Variants in FAM20B observed in about 807,000 individuals in gnomAD.
The protein encoded by FAM20B is FAM20B glycosaminoglycan xylosylkinase.
Under a neutral mutation model 43.8 loss-of-function variants are expected in FAM20B, and 23 were observed. The ratio of observed to expected loss-of-function variants is 0.53; its 90% confidence interval spans 0.38 to 0.74. The LOEUF is 0.74. FAM20B is among the 30% of genes least tolerant of loss of function. The pLI, the probability that FAM20B is intolerant of heterozygous loss-of-function variation, is 0.00. For synonymous variants in FAM20B, 178 were observed against 192.4 expected, an observed-to-expected ratio of 0.93 and a Z score of 0.62; for missense variants, 440 against 510.5, an observed-to-expected ratio of 0.86 and a Z score of 1.33.
intron 2 of FAM20B, 120 bp downstream of exon 2, chr1:179,044,344 G>A: frequency 9.0e-7 from 1 of 1,112,496 alleles, no homozygotes; most frequent in Non-Finnish European, 1.3e-6. Context: ...AAGAGGGGTA[G>A]ACTAGATCTC....
At chr1:179,041,136 A>G in intron 1 of FAM20B, among the ~76,000 whole-genome samples, 1 of 127,218 alleles carries the variant, frequency 7.9e-6, no homozygotes, top group Admixed American at 7.9e-5. Flanking sequence ...CCTAGATGGG[A>G]TGGCGGCCGG....
chr1:179,026,541 A>G (rs1037156677), intron 1 of FAM20B, among the ~76,000 whole-genome samples: 4 of 152,114 alleles, frequency 2.6e-5, no homozygotes, highest in African/African-American at 4.8e-5. Flanking sequence ...GAGGCAGCCC[A>G]GGGAGCGCGC....
intron 4 of FAM20B, among the ~76,000 whole-genome samples, chr1:179,057,341 A>C (rs866826815): frequency 2.4e-4 from 36 of 152,210 alleles, no homozygotes; most frequent in South Asian, 2.3e-3. Context: ...GTGAGACTCC[A>C]TCTCAAAAAA....
At chr1:179,018,345 C>T in the FAM20B span, among the ~76,000 whole-genome samples, 6 of 152,288 alleles carry the variant, frequency 3.9e-5, no homozygotes, top group South Asian at 6.2e-4. Flanking sequence ...TTCACTCTGT[C>T]GCCCAGGCTG....
upstream of FAM20B, among the ~76,000 whole-genome samples, chr1:179,022,777 G>A (rs2147766): frequency 0.067 from 10,239 of 152,206 alleles, 396 homozygotes; most frequent in South Asian, 0.086. Flanking sequence ...AATACAACCC[G>A]GGGAACGGGG....
At chr1:179,030,633 T>C (rs1288570611) in intron 1 of FAM20B, among the ~76,000 whole-genome samples, 1 of 152,228 alleles carries the variant, frequency 6.6e-6, no homozygotes, top group Non-Finnish European at 1.5e-5. Flanking sequence ...TTGAATTCAT[T>C]GTAGGACTTA....
Position 179,066,963 on chromosome 1 carries a change from C to T in FAM20B, c.998+104C>T, listed in dbSNP as rs59372496. The T allele has an allele frequency of 2.9e-4, 222 of 775,092 alleles. No individual in the cohort carries two copies. The African/African-American group carries it at 3.5e-3, about 12-fold the overall frequency. 48.0% of individuals were successfully genotyped at this position (775,092 alleles called of 1,614,324 possible). Reference sequence around the variant, plus strand: ...GCCCTCAAACTTTCTGATACCTGAGCAGTGCTTTTCATACTTTTCCAACCT... The same window carrying T: ...GCCCTCAAACTTTCTGATACCTGAGTAGTGCTTTTCATACTTTTCCAACCT... On this transcript the variant is annotated intron_variant, in intron 7 of 7. Transcript: ENST00000263733.
chr1:179,051,772 G>A (rs928580868), intron 3 of FAM20B, among the ~76,000 whole-genome samples: 2 of 151,998 alleles, frequency 1.3e-5, no homozygotes, highest in African/African-American at 2.4e-5. Context: ...TCAGCCTACC[G>A]AGTAGCTGGG....
intron 6 of FAM20B, among the ~76,000 whole-genome samples, chr1:179,066,158 A>G (rs1005805258): frequency 6.6e-6 from 1 of 152,164 alleles, no homozygotes; most frequent in Non-Finnish European, 1.5e-5. Flanking sequence ...ACTAAGGGCT[A>G]CCAGACTCTA....
intron 6 of FAM20B, among the ~76,000 whole-genome samples, chr1:179,065,437 G>A (rs994009839): frequency 9.2e-5 from 14 of 152,092 alleles, no homozygotes; most frequent in African/African-American, 3.4e-4. Flanking sequence ...ACTTTTAGTT[G>A]CATTTAATAA....
chr1:179,071,883 T>C, intron 7 of FAM20B, 30 bp from the exon 8 acceptor site: 1 of 1,503,168 alleles, frequency 6.7e-7, no homozygotes. Context: ...AGAAGTTTTA[T>C]GTACCTTGTT....
chr1:179,065,769 A>G (rs1288977941), intron 6 of FAM20B, among the ~76,000 whole-genome samples: 1 of 152,178 alleles, frequency 6.6e-6, no homozygotes, highest in Non-Finnish European at 1.5e-5. Flanking sequence ...TGCTTTGTCC[A>G]CTCGGGCCGC....
intron 6 of FAM20B, among the ~76,000 whole-genome samples, chr1:179,065,515 A>G (rs1443467128): frequency 1.3e-5 from 2 of 152,328 alleles, no homozygotes; most frequent in South Asian, 2.1e-4. Context: ...TACTGTTAAC[A>G]TTGGTTGTTG....
chr1:179,036,677 T>C (rs1650241445), intron 1 of FAM20B, among the ~76,000 whole-genome samples: 1 of 152,230 alleles, frequency 6.6e-6, no homozygotes. Flanking sequence ...CTGTCTCTGG[T>C]ACTTTCTCCT....
intron 4 of FAM20B, among the ~76,000 whole-genome samples, chr1:179,059,844 C>T (rs573052618): frequency 5.3e-5 from 8 of 151,838 alleles, no homozygotes; most frequent in South Asian, 2.1e-4. Context: ...TGGTGGTGCA[C>T]GTCTGTAATC....
At chr1:179,038,832 AGAT>A (rs1335266637) in intron 1 of FAM20B, among the ~76,000 whole-genome samples, 2 of 152,178 alleles carry the variant, frequency 1.3e-5, no homozygotes, top group Admixed American at 6.5e-5. Context: ...GTACCCTGGG[AGAT>A]GATGATGAAA....
intron 1 of FAM20B, among the ~76,000 whole-genome samples, chr1:179,037,976 ACTT>A (rs1650320229): frequency 6.6e-6 from 1 of 152,172 alleles, no homozygotes; most frequent in African/African-American, 2.4e-5. Flanking sequence ...AACTGTTAGA[ACTT>A]CTTATTGCAT....
At chr1:179,041,432 T>C (rs1216390911) in intron 1 of FAM20B, among the ~76,000 whole-genome samples, 1 of 152,000 alleles carries the variant, frequency 6.6e-6, no homozygotes, top group East Asian at 1.9e-4. Context: ...GGCTGGCGGA[T>C]CACTCGCGGT....
chr1:179,056,156 A>G (rs1651210562), intron 4 of FAM20B, among the ~76,000 whole-genome samples: 1 of 152,156 alleles, frequency 6.6e-6, no homozygotes, highest in Non-Finnish European at 1.5e-5. Flanking sequence ...CAGACTCCAT[A>G]GTTTACATTC....
Sources: gnomAD v4.1 joint callset for allele counts (sites outside exome capture counted in the v4.1 genomes callset) on GRCh38, gnomAD v4.1.1 for gene constraint, MANE v1.5 for transcripts, NCBI Gene and HGNC (gene_info 2026-07-23, HGNC 2026-07-21) for gene names.